Variants in DLG2 observed in about 807,000 individuals in gnomAD.
DLG2 encodes the protein discs large MAGUK scaffold protein 2.
DLG2 carries 45 observed loss-of-function variants against 132.5 expected under a neutral mutation model. The ratio of observed to expected loss-of-function variants is 0.34; its 90% CI spans 0.27 to 0.44. The LOEUF (loss-of-function observed/expected upper bound fraction) is 0.44. DLG2 is among the 20% of genes least tolerant of loss of function. The probability of loss-of-function intolerance (pLI) is 1.00; values close to 1 mark genes in which losing one functional copy is unlikely to be tolerated. For missense variants in DLG2, 1,045 were observed against 1,196.9 expected (o/e 0.87, Z 1.87); for synonymous variants, 424 against 419.6 (o/e 1.01, Z -0.13).
chr11:83,719,593 G>A (rs1013499167), intron 18 of DLG2, among the ~76,000 whole-genome samples: 1 of 152,154 alleles, frequency 6.6e-6, no homozygotes, highest in South Asian at 2.1e-4. Context: ...GGTGGAAGTA[G>A]GTTCCAGGCC....
intron 6 of DLG2, among the ~76,000 whole-genome samples, chr11:84,724,707 C>A (rs920437248): frequency 6.6e-6 from 1 of 152,116 alleles, no homozygotes; most frequent in African/African-American, 2.4e-5. Flanking sequence ...CCCAAGGTAA[C>A]AAAATTGGTA....
intron 19 of DLG2, among the ~76,000 whole-genome samples, chr11:83,580,248 C>T (rs2096947633): frequency 6.6e-6 from 1 of 151,986 alleles, no homozygotes; most frequent in Admixed American, 6.5e-5. Context: ...CATTTTTCCT[C>T]TACTTTGGTT....
chr11:84,455,303 C>A (rs2099062481), intron 7 of DLG2, among the ~76,000 whole-genome samples: 1 of 151,360 alleles, frequency 6.6e-6, no homozygotes, highest in African/African-American at 2.4e-5. Flanking sequence ...GCCTGCATTG[C>A]AAGTAGATTC....
At chr11:83,886,367 G>C (rs11518747) in intron 15 of DLG2, among the ~76,000 whole-genome samples, 10,771 of 152,202 alleles carry the variant, frequency 0.071, 501 homozygotes, top group African/African-American at 0.12. Context: ...TTACATAATG[G>C]TAAAGGGATC....
chr11:85,537,075 G>A (rs1002331013), intron 3 of DLG2, among the ~76,000 whole-genome samples: 2 of 152,328 alleles, frequency 1.3e-5, no homozygotes, highest in East Asian at 3.9e-4. Context: ...AGCTAATTGG[G>A]TGGGGACTTG....
chr11:83,859,782 A>G (rs1392771244), intron 16 of DLG2, among the ~76,000 whole-genome samples: 1 of 152,192 alleles, frequency 6.6e-6, no homozygotes, highest in Non-Finnish European at 1.5e-5. Context: ...TCTTTATGGC[A>G]GCCCCTCCCT....
chr11:84,992,859 C>A (rs1015124651), intron 6 of DLG2, among the ~76,000 whole-genome samples: 3 of 152,072 alleles, frequency 2.0e-5, no homozygotes, highest in Non-Finnish European at 2.9e-5. Context: ...TTGTGGAAGA[C>A]AGTGTTGCAA....
chr11:85,455,919 G>A (rs2092406841), intron 3 of DLG2, among the ~76,000 whole-genome samples: 1 of 152,082 alleles, frequency 6.6e-6, no homozygotes, highest in South Asian at 2.1e-4. Context: ...AGTTCAGTTT[G>A]CTACTATTTT....
At chr11:84,742,216 A>T (rs1221065755) in intron 6 of DLG2, among the ~76,000 whole-genome samples, 1 of 152,202 alleles carries the variant, frequency 6.6e-6, no homozygotes, top group Non-Finnish European at 1.5e-5. Context: ...GAAGTGGTAT[A>T]GACATTATAT....
intron 15 of DLG2, among the ~76,000 whole-genome samples, chr11:83,883,311 TA>T (rs1311165889): frequency 1.3e-5 from 2 of 152,240 alleles, no homozygotes; most frequent in African/African-American, 4.8e-5. Flanking sequence ...ATATTTGGCA[TA>T]CCGAATTGAC....
intron 15 of DLG2, among the ~76,000 whole-genome samples, chr11:83,879,482 C>G (rs1472844364): frequency 1.3e-5 from 2 of 151,896 alleles, no homozygotes; most frequent in Non-Finnish European, 2.9e-5. Flanking sequence ...TTTAATCTAC[C>G]TTAATATTTC....
At chr11:84,191,861 C>A (rs1351138854) in intron 8 of DLG2, among the ~76,000 whole-genome samples, 1 of 151,746 alleles carries the variant, frequency 6.6e-6, no homozygotes, top group East Asian at 1.9e-4. Context: ...AACTGAAGAA[C>A]AAACTGTAAT....
chr11:85,103,863 C>G (rs1040961532), intron 6 of DLG2, among the ~76,000 whole-genome samples: 3 of 151,778 alleles, frequency 2.0e-5, no homozygotes, highest in African/African-American at 7.3e-5. Flanking sequence ...AGAACTCTTA[C>G]AACTCAATAA....
intron 5 of DLG2, among the ~76,000 whole-genome samples, chr11:85,126,133 G>T (rs1594602375): frequency 6.6e-6 from 1 of 152,220 alleles, no homozygotes; most frequent in East Asian, 1.9e-4. Flanking sequence ...AGAACGGCGG[G>T]AAGCCAGCAA....
chr11:85,503,019 A>G (rs1434673009), intron 3 of DLG2, among the ~76,000 whole-genome samples: 1 of 152,124 alleles, frequency 6.6e-6, no homozygotes, highest in African/African-American at 2.4e-5. Context: ...ACTATTCCCT[A>G]CAATATAGAA....
chr11:85,069,949 T>C (rs1236501911), intron 6 of DLG2, among the ~76,000 whole-genome samples: 26 of 152,132 alleles, frequency 1.7e-4, no homozygotes, highest in Admixed American at 5.9e-4. Context: ...GTGGCACATA[T>C]ACACCATGGA....
At chr11:83,475,611 A>G (rs1343000345) in intron 22 of DLG2, among the ~76,000 whole-genome samples, 2 of 151,954 alleles carry the variant, frequency 1.3e-5, no homozygotes, top group South Asian at 2.1e-4. Context: ...TGAAGAAAAA[A>G]TTGAAGAGAG....
chr11:84,656,768 G>C (rs988667255), intron 6 of DLG2, among the ~76,000 whole-genome samples: 1 of 152,018 alleles, frequency 6.6e-6, no homozygotes, highest in Non-Finnish European at 1.5e-5. Flanking sequence ...ATCTGTTAAA[G>C]GGACATAAGA....
At chr11:84,027,377 C>G (rs1252143925) in intron 11 of DLG2, among the ~76,000 whole-genome samples, 1 of 152,018 alleles carries the variant, frequency 6.6e-6, no homozygotes, top group East Asian at 1.9e-4. Context: ...GCTCATCATT[C>G]TTTTCTTAAT....
Sources: allele counts gnomAD v4.1 joint callset (sites outside exome capture counted in the v4.1 genomes callset), GRCh38; gene constraint gnomAD v4.1.1; transcripts MANE v1.5; gene names NCBI Gene and HGNC (gene_info 2026-07-23, HGNC 2026-07-21).